Variants in ATAD2B observed in about 807,000 individuals in gnomAD.
ATAD2B encodes ATPase family AAA domain containing 2B, also known as ATPase family AAA domain-containing protein 2B.
Under a neutral mutation model 167.6 loss-of-function variants are expected in ATAD2B, and 40 were observed. The ratio of observed to expected loss-of-function variants is 0.24; its 90% confidence interval spans 0.19 to 0.31. ATAD2B has a LOEUF of 0.31. Among genes scored for constraint, ATAD2B ranks in the 10% least tolerant of loss-of-function variants. The pLI is 1.00. For missense variants in ATAD2B, 1,242 were observed against 1,757.2 expected, an observed-to-expected ratio of 0.71 and a Z score of 5.24; for synonymous variants, 579 against 596.5, an observed-to-expected ratio of 0.97 and a Z score of 0.43.
rs946778599 is a variant in ATAD2B at position 23,870,957 on chromosome 2, G to A, written c.978-1196C>T. ...GATTATTAGTATAACTCATGACATC[G>A]CTAAGACACCTAAAAAATACTATAA... On this transcript the variant is annotated intron_variant, in intron 8 of 27. Coordinates refer to ENST00000238789, the MANE Select transcript of ATAD2B (RefSeq NM_017552.4). Among the ~76,000 whole-genome samples, 3 of 152,032 alleles carry A rather than the reference G, an allele frequency of 2.0e-5. No individual in the cohort carries two copies. In the East Asian group the frequency reaches 5.8e-4, roughly 29 times the overall value.
chr2:23,716,761 G>A, the ATAD2B span, among the ~76,000 whole-genome samples: 1 of 152,164 alleles, frequency 6.6e-6, no homozygotes, highest in Admixed American at 6.5e-5. Context: ...TGTTTCATTT[G>A]GGGTGACAGC....
chr2:23,915,442 T>TAA (rs764031236), intron 1 of ATAD2B, among the ~76,000 whole-genome samples: 12 of 136,164 alleles, frequency 8.8e-5, no homozygotes, highest in Non-Finnish European at 1.3e-4. Context: ...AAGTCTTGAT[T>TAA]AAAAAAAAAA....
downstream of ATAD2B, among the ~76,000 whole-genome samples, chr2:23,745,408 G>GGAAGGAAGGAAA (rs1674799565): frequency 1.0e-5 from 1 of 99,842 alleles, no homozygotes; most frequent in Non-Finnish European, 2.3e-5. Flanking sequence ...AAGGAAGGAA[G>GGAAGGAAGGAAA]GAAGGAAGGA....
intron 21 of ATAD2B, 61 bp from the exon 22 acceptor site, chr2:23,783,089 AAC>A: frequency 2.3e-6 from 2 of 862,342 alleles, no homozygotes; most frequent in Non-Finnish European, 3.3e-6. Context: ...AGTTCATAAA[AAC>A]ACAAAATAAA....
At chr2:23,792,660 A>C (rs2149435849) in intron 19 of ATAD2B, among the ~76,000 whole-genome samples, 1 of 152,074 alleles carries the variant, frequency 6.6e-6, no homozygotes, top group East Asian at 1.9e-4. Flanking sequence ...ATCCTATTTC[A>C]CTTAGGGAAA....
chr2:23,775,216 T>TG, intron 22 of ATAD2B, among the ~76,000 whole-genome samples: 1 of 149,068 alleles, frequency 6.7e-6, no homozygotes. Context: ...TATTTTTTTA[T>TG]GTTTTATTTT....
chr2:23,769,426 G>T (rs937871660), intron 22 of ATAD2B, among the ~76,000 whole-genome samples: 1 of 151,928 alleles, frequency 6.6e-6, no homozygotes, highest in African/African-American at 2.4e-5. Context: ...GGTGACAGAG[G>T]AAGACAGCGT....
At chr2:23,882,502 T>TAAAAAAAAAAA (rs770725105) in intron 6 of ATAD2B, among the ~76,000 whole-genome samples, 4 of 92,234 alleles carry the variant, frequency 4.3e-5, no homozygotes, top group African/African-American at 1.7e-4. Context: ...AGCCTCTATT[T>TAAAAAAAAAAA]AAAAAAAAAA....
intron 6 of ATAD2B, chr2:23,883,753 A>G: frequency 2.6e-6 from 1 of 377,610 alleles, no homozygotes; most frequent in Admixed American, 4.4e-5. Flanking sequence ...TTCTCAATCT[A>G]AACTACACAA....
At chr2:23,768,807 T>G (rs1677851199) in intron 22 of ATAD2B, among the ~76,000 whole-genome samples, 1 of 152,202 alleles carries the variant, frequency 6.6e-6, no homozygotes, top group African/African-American at 2.4e-5. Context: ...ATAAAAATAA[T>G]TATTGGTCCC....
chr2:23,696,226 G>C, the ATAD2B span: 2 of 1,492,768 alleles, frequency 1.3e-6, no homozygotes, highest in Non-Finnish European at 1.8e-6. This position sits in a 1 kb window ranked among gnomAD's most constrained non-coding sequence, Gnocchi z 5.5. Context: ...TGGCCCAGAA[G>C]TGTCTACTTT....
Position 23,863,451 on chromosome 2 carries a change from C to A in ATAD2B, c.1409G>T (p.Arg470Leu). ...CTTGCTCAAACAATCTGCTCCTTTT[C>A]GCATAAAAAAAGCCACTTTTTTGTC... Reference protein sequence around the residue: ...QGDKKVAFFMRKGADCLSKWV... With the variant: ...QGDKKVAFFMLKGADCLSKWV... Residue 470 changes from arginine to leucine, a missense_variant, in exon 12 of 28, where the codon CGA (arginine) becomes CTA (leucine). Coordinates refer to ENST00000238789, the MANE Select transcript of ATAD2B (RefSeq NM_017552.4). 6.4e-7 allele frequency: 1 copy of A among 1,552,886 alleles called. No individual in the cohort carries two copies. Among genetic ancestry groups the A allele is most frequent in the Non-Finnish European group, 8.7e-7 (1 of 1,147,426 alleles).
At chr2:23,693,305 T>TGGCCATGGCCGA in the ATAD2B span, 1 of 1,546,626 alleles carries the variant, frequency 6.5e-7, no homozygotes, top group Non-Finnish European at 8.7e-7. Context: ...CTGGGCGTGC[T>TGGCCATGGCCGA]GGCCATGGCC....
chr2:23,754,120 T>G, intron 27 of ATAD2B, 59 bp downstream of exon 27: 2 of 1,382,038 alleles, frequency 1.4e-6, no homozygotes, highest in African/African-American at 1.5e-5. Context: ...TTTTCCTCTT[T>G]TCTTTGGAAC....
downstream of ATAD2B, among the ~76,000 whole-genome samples, chr2:23,746,133 CT>C (rs1347955136): frequency 1.8e-4 from 28 of 152,278 alleles, no homozygotes; most frequent in African/African-American, 6.7e-4. Context: ...CTCTGTATAC[CT>C]ACAGTGCCTA....
At chr2:23,698,220 TGAA>T in the ATAD2B span, among the ~76,000 whole-genome samples, 15 of 152,110 alleles carry the variant, frequency 9.9e-5, no homozygotes, top group Non-Finnish European at 1.9e-4. Flanking sequence ...CCCCAAGAGA[TGAA>T]GGACAAAAGG....
Position 23,880,759 on chromosome 2 carries a change from G to C in ATAD2B, c.785-4C>G. The C allele has an allele frequency of 6.6e-7, 1 of 1,524,540 alleles. No homozygotes were observed. The highest frequency in any genetic ancestry group is 1.4e-5 in the African/African-American group (1 of 73,136). The allele number at this position is 1,524,540 out of a possible 1,614,324, so 94.4% of individuals were successfully genotyped here. A position where few individuals can be genotyped will look rare whatever the true frequency, so the allele number is the denominator to read the frequency against. On this transcript the variant is annotated splice_polypyrimidine_tract_variant and splice_region_variant and intron_variant, in intron 6 of 27. Coordinates refer to ENST00000238789, the MANE Select transcript of ATAD2B (RefSeq NM_017552.4). ...TCTCCATCCTCCTCTTGAGATTCTA[G>C]TTTCCCACACACAAAAAGAAAAGAA...
chr2:23,726,179 G>A, the ATAD2B span, among the ~76,000 whole-genome samples: 3 of 152,164 alleles, frequency 2.0e-5, no homozygotes, highest in Non-Finnish European at 4.4e-5. Flanking sequence ...GAAGCAACCC[G>A]AGTGTCCATC....
chr2:23,877,279 A>C (rs945554495), intron 7 of ATAD2B, among the ~76,000 whole-genome samples: 15 of 151,476 alleles, frequency 9.9e-5, no homozygotes, highest in African/African-American at 3.4e-4. Flanking sequence ...TAAGGTCAGG[A>C]GTTCGAGCCA....
Sources: gnomAD v4.1 joint callset for allele counts (sites outside exome capture counted in the v4.1 genomes callset) on GRCh38, gnomAD v4.1.1 for gene constraint, Gnocchi (gnomAD v3.1) non-coding constraint, MANE v1.5 for transcripts, NCBI Gene and HGNC (gene_info 2026-07-23, HGNC 2026-07-21) for gene names.